ELP3: variants seen among roughly 807,000 people sequenced by gnomAD.
ELP3 encodes elongator complex protein 3.
ELP3 carries 56 observed loss-of-function variants against 74.9 expected under a neutral mutation model. The observed-to-expected ratio is 0.75, with a 90% CI of 0.60 to 0.93. ELP3 has a LOEUF of 0.93. Ranked by LOEUF, ELP3 falls within the 40% of genes least tolerant of loss-of-function variation. The pLI, the probability that ELP3 is intolerant of heterozygous loss-of-function variation, is 0.00. For synonymous variants in ELP3, 222 were observed against 239.8 expected (o/e 0.93, Z 0.68); for missense variants, 573 against 686.5 (o/e 0.83, Z 1.85).
chr8:28,152,663 G>A (rs976487169), intron 10 of ELP3, among the ~76,000 whole-genome samples: 17 of 152,058 alleles, frequency 1.1e-4, no homozygotes, highest in South Asian at 2.1e-4. Context: ...AAAATTAGCC[G>A]GGTGTGGTGG....
At chr8:28,132,596 T>C (rs1812822965) in intron 9 of ELP3, among the ~76,000 whole-genome samples, 192 bp downstream of exon 9, 2 of 152,210 alleles carry the variant, frequency 1.3e-5, no homozygotes, top group African/African-American at 4.8e-5. Flanking sequence ...AACATTTTAA[T>C]GAATTCTTTC....
In ELP3 at chr8:28,129,482, A is replaced by G; in HGVS notation, c.618-20A>G. The G allele has an allele frequency of 6.2e-7, 1 of 1,613,712 alleles. No individual in the cohort carries two copies. The highest frequency in any genetic ancestry group is 1.1e-5 in the South Asian group (1 of 91,060). On this transcript the variant is annotated intron_variant, in intron 7 of 14. Coordinates refer to ENST00000256398, the MANE Select transcript of ELP3 (RefSeq NM_018091.6). ...TCTTAAAACCTGCAACAGGTTAATT[A>G]TTTTAGATTTGCTCTACAGGTATTC...
At chr8:28,095,217 C>A (rs1226655160) in intron 1 of ELP3, among the ~76,000 whole-genome samples, 1 of 152,206 alleles carries the variant, frequency 6.6e-6, no homozygotes, top group African/African-American at 2.4e-5. Flanking sequence ...TGTGCCATTT[C>A]CTTCATGAAG....
At chr8:28,118,534 A>G (rs185070955) in intron 7 of ELP3, among the ~76,000 whole-genome samples, 53 of 152,210 alleles carry the variant, frequency 3.5e-4, no homozygotes, top group Non-Finnish European at 7.1e-4. Context: ...ACTCAGTACT[A>G]TCAGCTGGAC....
chr8:28,166,724 T>C (rs1563284181), intron 14 of ELP3, among the ~76,000 whole-genome samples: 1 of 152,228 alleles, frequency 6.6e-6, no homozygotes, highest in Non-Finnish European at 1.5e-5. Flanking sequence ...ATCTCTGATG[T>C]CACACTGCCT....
chr8:28,113,204 A>G (rs778220832), intron 7 of ELP3, 31 bp downstream of exon 7: 9 of 1,595,756 alleles, frequency 5.6e-6, no homozygotes, highest in Non-Finnish European at 7.7e-6. Context: ...CATAGTCTCC[A>G]GAGTGGTTGT....
In ELP3 at chr8:28,147,216, A is replaced by C. The variant is rs1457681943; in HGVS notation, c.1101-8726A>C. ...CTATTGAAATTTTAATGTCTTTTGA[A>C]AGTACCAGTTTGTTATTAAAAATAT... On this transcript the variant is annotated intron_variant, in intron 10 of 14. Transcript: ENST00000256398. This position sits in a 1 kb window ranked among gnomAD's most constrained non-coding sequence, Gnocchi z 4.5. Among the ~76,000 whole-genome samples, 1 of 152,142 alleles carries C rather than the reference A, an allele frequency of 6.6e-6. No individual in the cohort carries two copies. The highest frequency in any genetic ancestry group is 1.5e-5 in the Non-Finnish European group (1 of 68,032).
chr8:28,140,114 TTGTG>T (rs56981709), intron 10 of ELP3, among the ~76,000 whole-genome samples: 10,311 of 143,680 alleles, frequency 0.072, 535 homozygotes, highest in African/African-American at 0.15. Context: ...TGTACATATT[TTGTG>T]TGTGTGTGTG....
intron 13 of ELP3, 70 bp from the exon 14 acceptor site, chr8:28,161,927 T>C (rs1814108428): frequency 6.7e-7 from 1 of 1,495,226 alleles, no homozygotes; most frequent in Admixed American, 1.7e-5. Flanking sequence ...ATAGCCTTCT[T>C]GTTTTATGGA....
At chr8:28,100,442 A>T (rs75983658) in intron 3 of ELP3, among the ~76,000 whole-genome samples, 1 of 152,244 alleles carries the variant, frequency 6.6e-6, no homozygotes, top group Non-Finnish European at 1.5e-5. Flanking sequence ...ATAAGCCAAG[A>T]AGAGCAGGCT....
chr8:28,105,541 C>T (rs1050490954), intron 3 of ELP3, among the ~76,000 whole-genome samples: 1 of 152,174 alleles, frequency 6.6e-6, no homozygotes, highest in African/African-American at 2.4e-5. Flanking sequence ...GTGCTTACTG[C>T]TGTTAGGGTG....
intron 10 of ELP3, among the ~76,000 whole-genome samples, chr8:28,145,779 G>A (rs900951472): frequency 3.3e-5 from 5 of 152,036 alleles, no homozygotes; most frequent in African/African-American, 7.2e-5. Flanking sequence ...TCCCATCACC[G>A]CGCCCAGCTA....
chr8:28,169,850 G>A (rs1040060931), intron 14 of ELP3, among the ~76,000 whole-genome samples: 2 of 152,018 alleles, frequency 1.3e-5, no homozygotes, highest in African/African-American at 4.8e-5. Context: ...TTTTTGGCAG[G>A]CATCGGTTCC....
chr8:28,137,605 G>A, intron 9 of ELP3, 93 bp from the exon 10 acceptor site: 2 of 1,258,754 alleles, frequency 1.6e-6, no homozygotes, highest in Non-Finnish European at 2.3e-6. Context: ...GGGCCTACTG[G>A]GTGTGCCAGA....
At chr8:28,179,390 A>C (rs986684610) in intron 14 of ELP3, among the ~76,000 whole-genome samples, 1 of 152,136 alleles carries the variant, frequency 6.6e-6, no homozygotes, top group African/African-American at 2.4e-5. Context: ...GTTGGTAGCA[A>C]GTTGTTCCAG....
intron 10 of ELP3, among the ~76,000 whole-genome samples, chr8:28,150,377 T>C (rs967306524): frequency 1.3e-5 from 2 of 152,206 alleles, no homozygotes; most frequent in African/African-American, 2.4e-5. Context: ...TTTTAACGTT[T>C]CTTGCAAGGC....
At chr8:28,090,902 TC>T (rs61464536), upstream of ELP3, among the ~76,000 whole-genome samples, 49,720 of 134,116 alleles carry the variant, frequency 0.37, 11,081 homozygotes, top group East Asian at 0.61. Context: ...TGTAAATGTT[TC>T]CTTTTTTTTT....
chr8:28,186,132 A>T (rs1487045054), intron 14 of ELP3, among the ~76,000 whole-genome samples: 1 of 152,164 alleles, frequency 6.6e-6, no homozygotes, highest in African/African-American at 2.4e-5. Flanking sequence ...ACAGGAGTCA[A>T]ATTCATGGAG....
At position 28,149,466 on chromosome 8, in the gene ELP3, AGTT is replaced by A. The variant is rs138923409; in HGVS notation, c.1101-6472_1101-6470del. ...TAGGTTATCAAATTTGTGGGCATAG[AGTT>A]GTTCATAGTTTTCCATTGTTATCCT... On this transcript the variant is annotated intron_variant, in intron 10 of 14. Transcript: ENST00000256398. Among the ~76,000 whole-genome samples the A allele has an allele frequency of 9.2e-3, 1,395 of 152,218 alleles. 24 individuals are homozygous for A. The highest frequency in any genetic ancestry group is 0.031 in the African/African-American group (1,294 of 41,514).
Sources: gnomAD v4.1 joint callset for allele counts (sites outside exome capture counted in the v4.1 genomes callset) on GRCh38, gnomAD v4.1.1 for gene constraint, Gnocchi (gnomAD v3.1) non-coding constraint, MANE v1.5 for transcripts, NCBI Gene and HGNC (gene_info 2026-07-23, HGNC 2026-07-21) for gene names.